GPR139: variants seen among roughly 807,000 people sequenced by gnomAD.
The protein encoded by GPR139 is probable G protein-coupled receptor 139.
In GPR139, 12 loss-of-function variants were observed where a neutral mutation model predicts 25.8. The ratio of observed to expected loss-of-function variants is 0.47; its 90% CI spans 0.30 to 0.75. GPR139 has a LOEUF of 0.75. Ranked by LOEUF, GPR139 falls within the 30% of genes least tolerant of loss-of-function variation. GPR139 has a pLI of 0.07. For missense variants in GPR139, 380 were observed against 450.2 expected (o/e 0.84, Z 1.41); for synonymous variants, 184 against 179.9 (o/e 1.02, Z -0.18).
rs1160716698 is a variant in GPR139 at position 20,028,336 on chromosome 16, TA to T, written c.*3398del. ...ATGTATACAATTATGATTTATCAAT[TA>T]AAAATAATAGTAATAAAAATCAGCA... On this transcript the variant is annotated 3_prime_UTR_variant, in exon 2 of 2. Coordinates refer to ENST00000570682, the MANE Select transcript of GPR139 (RefSeq NM_001002911.4). Among the ~76,000 whole-genome samples, 4 of 152,160 alleles carry T rather than the reference TA, an allele frequency of 2.6e-5. No individual in the cohort carries two copies. The highest frequency in any genetic ancestry group is 2.6e-4 in the Admixed American group (4 of 15,280).
intron 1 of GPR139, among the ~76,000 whole-genome samples, chr16:20,060,870 G>A (rs28398145): frequency 0.011 from 1,598 of 151,864 alleles, 25 homozygotes; most frequent in African/African-American, 0.037. Context: ...TGTCCCCTCC[G>A]TTCCACTCTT....
At chr16:20,046,115 A>G (rs2057353665) in intron 1 of GPR139, among the ~76,000 whole-genome samples, 1 of 152,178 alleles carries the variant, frequency 6.6e-6, no homozygotes, top group South Asian at 2.1e-4. Context: ...AGGTATTTTT[A>G]GCTGTGGGCA....
chr16:20,030,595 G>A lies in GPR139; in HGVS notation c.*1140C>T, dbSNP rs1022316872. Among the ~76,000 whole-genome samples the A allele has an allele frequency of 2.1e-3, 3 of 1,422 alleles. No individual in the cohort carries two copies. The African/African-American group carries it at 0.043, about 20-fold the overall frequency. 0.9% of individuals were successfully genotyped at this position (1,422 alleles called of 152,430 possible). A position where few individuals can be genotyped will look rare whatever the true frequency, so the allele number is the denominator to read the frequency against. ...GGTTAAATAGCTTTACCAAGAACTG[G>A]CACCCCCTTTTGAGCCATGTGCGTC... is the stretch of plus-strand genomic sequence containing the variant. On this transcript the variant is annotated 3_prime_UTR_variant, in exon 2 of 2. Coordinates refer to ENST00000570682, the MANE Select transcript of GPR139 (RefSeq NM_001002911.4).
At position 20,049,173 on chromosome 16, in the gene GPR139, G is replaced by GAGTATGCAC. The variant is rs1382305194; in HGVS notation, c.128-16513_128-16505dup. 2.0e-5 allele frequency among the ~76,000 whole-genome samples: 3 copies of GAGTATGCAC among 152,308 alleles called. No homozygotes were observed. In the East Asian group the frequency reaches 5.8e-4, roughly 29 times the overall value. ...GAGGACTTATCACAGGGCTGTCAAA[G>GAGTATGCAC]AGTATGCACTCCATCAATGTTTGTG... On this transcript the variant is annotated intron_variant, in intron 1 of 1. Coordinates refer to ENST00000570682, the MANE Select transcript of GPR139 (RefSeq NM_001002911.4).
intron 1 of GPR139, among the ~76,000 whole-genome samples, chr16:20,056,094 A>C (rs1188203012): frequency 6.6e-6 from 1 of 152,230 alleles, no homozygotes; most frequent in African/African-American, 2.4e-5. Context: ...CTGTGAAATG[A>C]GGGGATGTGG....
chr16:20,064,797 G>T (rs190605267), intron 1 of GPR139, among the ~76,000 whole-genome samples: 62 of 152,310 alleles, frequency 4.1e-4, no homozygotes, highest in African/African-American at 1.4e-3. Context: ...TTTGAACCCA[G>T]GTCTGAGGAG....
chr16:20,068,651 A>C (rs1415796580), intron 1 of GPR139, among the ~76,000 whole-genome samples: 3 of 152,286 alleles, frequency 2.0e-5, no homozygotes, highest in Non-Finnish European at 2.9e-5. Context: ...TATGATGTTT[A>C]ATAGGAGTGG....
At chr16:20,044,649 G>A (rs2608175) in intron 1 of GPR139, among the ~76,000 whole-genome samples, 13,454 of 152,060 alleles carry the variant, frequency 0.088, 1,942 homozygotes, top group African/African-American at 0.3. Flanking sequence ...ATCGTATTAG[G>A]CACTGAGCTC....
At chr16:20,065,913 G>A (rs1180142936) in intron 1 of GPR139, among the ~76,000 whole-genome samples, 6 of 151,548 alleles carry the variant, frequency 4.0e-5, no homozygotes, top group East Asian at 1.9e-4. Flanking sequence ...AAGTTAATGC[G>A]TTTGAAGTGT....
Position 20,030,696 on chromosome 16 carries a change from G to A in GPR139, c.*1039C>T, listed in dbSNP as rs1222051357. On this transcript the variant is annotated 3_prime_UTR_variant, in exon 2 of 2. Transcript: ENST00000570682. ...GCGAAATGGCAGCGCCAGCTGGGCT[G>A]TGAGACAGAGCTGAGAACACCTCCT... Among the ~76,000 whole-genome samples the A allele has an allele frequency of 6.6e-6, 1 of 152,234 alleles. No individual in the cohort carries two copies. Among genetic ancestry groups the A allele is most frequent in the Non-Finnish European group, 1.5e-5 (1 of 68,046 alleles).
intron 1 of GPR139, among the ~76,000 whole-genome samples, chr16:20,040,504 T>C: frequency 6.6e-6 from 1 of 152,368 alleles, no homozygotes; most frequent in African/African-American, 2.4e-5. Flanking sequence ...TCAATGATAT[T>C]CATGAAATAT....
rs529999553 is a variant in GPR139, at chr16:20,035,288, A to C, written c.128-2619T>G. The stretch of plus-strand genomic sequence containing the variant: ...ATCCCAGGACCAACATCCATGCTCA[A>C]AACCAGTCTGCAATATTGGTACTTA... On this transcript the variant is annotated intron_variant, in intron 1 of 1. Transcript: ENST00000570682. Among the ~76,000 whole-genome samples the C allele has an allele frequency of 2.0e-5, 3 of 152,308 alleles. No homozygotes were observed. The South Asian group carries it at 6.2e-4, about 32-fold the overall frequency.
intron 1 of GPR139, among the ~76,000 whole-genome samples, chr16:20,068,768 C>G (rs911553754): frequency 6.6e-6 from 1 of 152,138 alleles, no homozygotes; most frequent in African/African-American, 2.4e-5. Context: ...TGCCCTTTAT[C>G]AAGTTAAAGA....
chr16:20,058,593 A>G (rs2057399856), intron 1 of GPR139, among the ~76,000 whole-genome samples: 1 of 152,108 alleles, frequency 6.6e-6, no homozygotes, highest in African/African-American at 2.4e-5. Context: ...TATGTCTGCC[A>G]TTTTCAAGAT....
At chr16:20,066,730 A>G (rs532656848) in intron 1 of GPR139, among the ~76,000 whole-genome samples, 1 of 152,344 alleles carries the variant, frequency 6.6e-6, no homozygotes, top group East Asian at 1.9e-4. Flanking sequence ...CAGGGCACAG[A>G]AGGTTAATAG....
intron 1 of GPR139, among the ~76,000 whole-genome samples, chr16:20,062,394 G>C (rs1224563558): frequency 2.0e-5 from 3 of 152,188 alleles, no homozygotes; most frequent in African/African-American, 7.2e-5. Context: ...ACCTGGAAGA[G>C]GGCCCTTCCC....
chr16:20,065,232 G>A (rs1462035791), intron 1 of GPR139, among the ~76,000 whole-genome samples: 1 of 152,072 alleles, frequency 6.6e-6, no homozygotes, highest in East Asian at 1.9e-4. Context: ...TGAATTAGTT[G>A]CCAACATGTG....
chr16:20,046,374 C>T (rs2057354443), intron 1 of GPR139, among the ~76,000 whole-genome samples: 1 of 152,230 alleles, frequency 6.6e-6, no homozygotes, highest in African/African-American at 2.4e-5. Context: ...TCCATTCTGA[C>T]TCAGTAGAAT....
At chr16:20,068,973 A>G (rs989293991) in intron 1 of GPR139, among the ~76,000 whole-genome samples, 2 of 152,022 alleles carry the variant, frequency 1.3e-5, no homozygotes, top group African/African-American at 4.8e-5. Flanking sequence ...GATAAACTCA[A>G]GTTGATTCTG....
Sources: allele counts gnomAD v4.1 joint callset (sites outside exome capture counted in the v4.1 genomes callset), GRCh38; gene constraint gnomAD v4.1.1; transcripts MANE v1.5; gene names NCBI Gene and HGNC (gene_info 2026-07-23, HGNC 2026-07-21).